Variants in ZNF557 observed in about 807,000 individuals in gnomAD.
ZNF557 encodes the protein zinc finger protein 557.
In ZNF557, 19 loss-of-function variants were observed where a neutral mutation model predicts 21.2. The observed-to-expected ratio is 0.90, with a 90% CI of 0.63 to 1.32. The LOEUF (loss-of-function observed/expected upper bound fraction) is 1.32, where lower values mean the gene tolerates loss of function less well. Ranked by LOEUF, ZNF557 falls within the 40% of genes most tolerant of loss-of-function variation. The probability of loss-of-function intolerance (pLI) is 0.00; values close to 1 mark genes in which losing one functional copy is unlikely to be tolerated. For missense variants in ZNF557, 487 were observed against 519.8 expected, an observed-to-expected ratio of 0.94 and a Z score of 0.61; for synonymous variants, 207 against 194.8, an observed-to-expected ratio of 1.06 and a Z score of -0.52.
chr19:7,085,977 C>T lies in ZNF557; in HGVS notation c.*2233C>T, dbSNP rs1479661540. Reference sequence around the variant, plus strand: ...AGGTGTGGTGGCTCACACCTATAAACCTAGCATTTTGGGAGGCTGAGGCGG... The same window carrying T: ...AGGTGTGGTGGCTCACACCTATAAATCTAGCATTTTGGGAGGCTGAGGCGG... On this transcript the variant is annotated 3_prime_UTR_variant, in exon 8 of 8. Coordinates refer to ENST00000252840, the MANE Select transcript of ZNF557 (RefSeq NM_024341.3). The T allele has an allele frequency of 6.6e-6, 1 of 151,964 alleles. No homozygotes were observed. The highest frequency in any genetic ancestry group is 2.4e-5 in the African/African-American group (1 of 41,354). The allele number at this position is 151,964 out of a possible 1,614,324, so 9.4% of individuals were successfully genotyped here.
At chr19:7,074,606 G>A (rs535007787) in intron 2 of ZNF557, among the ~76,000 whole-genome samples, 18 of 150,716 alleles carry the variant, frequency 1.2e-4, no homozygotes, top group Admixed American at 1.0e-3. Flanking sequence ...CTGGAGCTCT[G>A]CTGGGCTGGC....
At chr19:7,075,526 G>T in intron 3 of ZNF557, 129 bp from the exon 4 acceptor site, 5 of 871,834 alleles carry the variant, frequency 5.7e-6, no homozygotes, top group Non-Finnish European at 8.9e-6. Context: ...TGGAGTAGAG[G>T]TGGATGCTTT....
intron 6 of ZNF557, 104 bp downstream of exon 6, chr19:7,081,559 T>C: frequency 1.3e-6 from 1 of 786,636 alleles, no homozygotes; most frequent in Non-Finnish European, 2.1e-6. Flanking sequence ...CAGAGAACTG[T>C]GTAAATGCCC....
rs1208979098 is a variant in ZNF557 at position 7,085,533 on chromosome 19, A to T, written c.*1789A>T. On this transcript the variant is annotated 3_prime_UTR_variant, in exon 8 of 8. Transcript: ENST00000252840. Reference sequence around the variant, plus strand: ...CTCTTATATTAGGAAAAATATGTAAATGTTCCTTGGATGCAATACTCACGA... The same window carrying T: ...CTCTTATATTAGGAAAAATATGTAATTGTTCCTTGGATGCAATACTCACGA... 6.6e-6 allele frequency: 1 copy of T among 152,194 alleles called. No individual in the cohort carries two copies. The highest frequency in any genetic ancestry group is 6.5e-5 in the Admixed American group (1 of 15,278). The allele number at this position is 152,194 out of a possible 1,614,324, so 9.4% of individuals were successfully genotyped here. A position where few individuals can be genotyped will look rare whatever the true frequency, so the allele number is the denominator to read the frequency against.
chr19:7,075,172 TG>T, intron 3 of ZNF557, 67 bp downstream of exon 3: 3 of 1,607,294 alleles, frequency 1.9e-6, no homozygotes, highest in Non-Finnish European at 2.6e-6. Context: ...CAGCATGGGA[TG>T]GGAGGGGGTT....
At chr19:7,075,600 T>G (rs1363897185) in intron 3 of ZNF557, 55 bp from the exon 4 acceptor site, 16 of 1,575,980 alleles carry the variant, frequency 1.0e-5, no homozygotes, top group Non-Finnish European at 1.4e-5. Context: ...CCTCCAGATG[T>G]GTGAGTGGAC....
chr19:7,079,255 T>G (rs1977644582), intron 5 of ZNF557, among the ~76,000 whole-genome samples: 1 of 147,654 alleles, frequency 6.8e-6, no homozygotes, highest in Non-Finnish European at 1.5e-5. Context: ...TTTTTTTTTT[T>G]TTTTGAGATG....
chr19:7,082,757 CA>C, intron 7 of ZNF557, 120 bp from the exon 8 acceptor site: 6 of 1,032,816 alleles, frequency 5.8e-6, no homozygotes, highest in Non-Finnish European at 8.1e-6. Flanking sequence ...CTCATGATGG[CA>C]AAAACATTAA....
In ZNF557 at chr19:7,084,504, C is replaced by G. The variant is rs888141379; in HGVS notation, c.*760C>G. The G allele has an allele frequency of 6.6e-6, 1 of 151,570 alleles. No individual in the cohort carries two copies. Among genetic ancestry groups the G allele is most frequent in the Non-Finnish European group, 1.5e-5 (1 of 67,916 alleles). 9.4% of individuals were successfully genotyped at this position (151,570 alleles called of 1,614,324 possible). ...TAGCTGGGACTACAGGTGCATGACA[C>G]CATGTCTGGCTAATTTGTTTTTTTT... is the stretch of plus-strand genomic sequence containing the variant. On this transcript the variant is annotated 3_prime_UTR_variant, in exon 8 of 8. Coordinates refer to ENST00000252840, the MANE Select transcript of ZNF557 (RefSeq NM_024341.3).
At chr19:7,079,448 G>C (rs917424105) in intron 5 of ZNF557, among the ~76,000 whole-genome samples, 19 of 150,694 alleles carry the variant, frequency 1.3e-4, no homozygotes, top group Admixed American at 3.3e-4. Flanking sequence ...CACCGTGTTA[G>C]CCAGGATGAT....
intron 7 of ZNF557, among the ~76,000 whole-genome samples, chr19:7,082,421 CAAAA>C (rs10641888): frequency 1.2e-3 from 135 of 108,400 alleles, no homozygotes; most frequent in African/African-American, 4.2e-3. Flanking sequence ...GACTCTGTCT[CAAAA>C]AAAAAAAAAA....
At chr19:7,073,724 T>A (rs779713088) in intron 2 of ZNF557, among the ~76,000 whole-genome samples, 7 of 152,084 alleles carry the variant, frequency 4.6e-5, no homozygotes, top group Non-Finnish European at 8.8e-5. Flanking sequence ...CTCCATTCAG[T>A]CCTCTCCCAA....
chr19:7,076,270 A>C, intron 4 of ZNF557, 111 bp from the exon 5 acceptor site: 1 of 1,607,380 alleles, frequency 6.2e-7, no homozygotes. Context: ...GAATCCCCCC[A>C]CATCTCGTGC....
chr19:7,075,471 G>C (rs1217302599), intron 3 of ZNF557, among the ~76,000 whole-genome samples, 184 bp from the exon 4 acceptor site: 1 of 152,136 alleles, frequency 6.6e-6, no homozygotes, highest in Non-Finnish European at 1.5e-5. Flanking sequence ...GATGCGGCAG[G>C]GCCATGCTCT....
At chr19:7,073,000 AG>A (rs934514368) in intron 2 of ZNF557, among the ~76,000 whole-genome samples, 3 of 152,034 alleles carry the variant, frequency 2.0e-5, no homozygotes, top group Non-Finnish European at 4.4e-5. Flanking sequence ...TGGACTTGGG[AG>A]GGAAGAGGGG....
Position 7,079,302 on chromosome 19 carries a change from T to C in ZNF557, c.248-2058T>C, listed in dbSNP as rs550315890. Among the ~76,000 whole-genome samples, 39 of 147,410 alleles carry C rather than the reference T, an allele frequency of 2.6e-4. No homozygotes were observed. In the South Asian group the frequency reaches 5.2e-3, roughly 20 times the overall value. On this transcript the variant is annotated intron_variant, in intron 5 of 7. Coordinates refer to ENST00000252840, the MANE Select transcript of ZNF557 (RefSeq NM_024341.3). The stretch of plus-strand genomic sequence containing the variant: ...TGTCACCCAGGCTGGAGTGCAGTGG[T>C]GCAATCTTGGCTAACTGCAAGCTCT...
Position 7,086,202 on chromosome 19 carries a change from G to C in ZNF557, c.*2458G>C, listed in dbSNP as rs1236142127. On this transcript the variant is annotated 3_prime_UTR_variant, in exon 8 of 8. Coordinates refer to ENST00000252840, the MANE Select transcript of ZNF557 (RefSeq NM_024341.3). ...GCCAAGATCATGCCACTTCACTCCA[G>C]CCTGGGCAAAAGAGTGCAACTCTGT... is the stretch of plus-strand genomic sequence containing the variant. 7.5e-6 allele frequency: 1 copy of C among 132,680 alleles called. No individual in the cohort carries two copies. The highest frequency in any genetic ancestry group is 8.5e-5 in the Admixed American group (1 of 11,810). The allele number at this position is 132,680 out of a possible 1,614,324, so 8.2% of individuals were successfully genotyped here. A position where few individuals can be genotyped will look rare whatever the true frequency, so the allele number is the denominator to read the frequency against.
chr19:7,073,176 G>C, intron 2 of ZNF557, among the ~76,000 whole-genome samples: 1 of 117,488 alleles, frequency 8.5e-6, no homozygotes, highest in Non-Finnish European at 1.7e-5. Context: ...TTTTTGAGAT[G>C]GAGTCTTACT....
intron 2 of ZNF557, among the ~76,000 whole-genome samples, chr19:7,074,166 A>G (rs1977521711): frequency 6.6e-6 from 1 of 151,712 alleles, no homozygotes. Context: ...ACGCCCAGCT[A>G]ATTTTTTATT....
Sources: gnomAD v4.1 joint callset for allele counts (sites outside exome capture counted in the v4.1 genomes callset) on GRCh38, gnomAD v4.1.1 for gene constraint, MANE v1.5 for transcripts, NCBI Gene and HGNC (gene_info 2026-07-23, HGNC 2026-07-21) for gene names.